TBCE: variants seen among roughly 807,000 people sequenced by gnomAD.
The protein encoded by TBCE is tubulin-specific chaperone E.
Under a neutral mutation model 77.0 loss-of-function variants are expected in TBCE, and 53 were observed. That is an observed-to-expected ratio of 0.69 (90% CI 0.55 to 0.87). The LOEUF (loss-of-function observed/expected upper bound fraction) is 0.87, where lower values mean the gene tolerates loss of function less well. Among genes scored for constraint, TBCE ranks in the 40% least tolerant of loss-of-function variants. The pLI, the probability that TBCE is intolerant of heterozygous loss-of-function variation, is 0.00. For synonymous variants in TBCE, 235 were observed against 241.3 expected (o/e 0.97, Z 0.24); for missense variants, 624 against 622.4 (o/e 1.00, Z -0.03).
intron 12 of TBCE, 73 bp downstream of exon 12, chr1:235,437,547 C>A (rs1167013223): frequency 1.3e-6 from 2 of 1,566,402 alleles, no homozygotes; most frequent in African/African-American, 2.7e-5. Flanking sequence ...CGCCGTGGCT[C>A]ACACCTGTAA....
At position 235,402,808 on chromosome 1, in the gene TBCE, TA is replaced by T. The variant is rs377763779; in HGVS notation, c.185+1227del. ...CCCAGCTAATTTAAAAAAATAAAAA[TA>T]AAAAAGAGATGAAGTTTTTCTATGC... is the stretch of plus-strand genomic sequence containing the variant. On this transcript the variant is annotated intron_variant, in intron 3 of 16. Coordinates refer to ENST00000642610, the MANE Select transcript of TBCE (RefSeq NM_003193.5). 8.6e-3 allele frequency among the ~76,000 whole-genome samples: 1,311 copies of T among 151,810 alleles called. 7 individuals carry two copies. Among genetic ancestry groups the T allele is most frequent in the Non-Finnish European group, 0.014 (953 of 67,924 alleles).
intron 4 of TBCE, among the ~76,000 whole-genome samples, chr1:235,417,741 T>G (rs1680182621): frequency 6.8e-6 from 1 of 146,612 alleles, no homozygotes; most frequent in African/African-American, 2.5e-5. Context: ...TGCTGCCTTT[T>G]GTACCCTGGT....
At chr1:235,380,596 C>A (rs1226087439) in intron 2 of TBCE, among the ~76,000 whole-genome samples, 1 of 151,458 alleles carries the variant, frequency 6.6e-6, no homozygotes. Flanking sequence ...TATAAATTTA[C>A]CTATGTTTCT....
chr1:235,404,672 ATTTT>A (rs937296695), intron 3 of TBCE, among the ~76,000 whole-genome samples: 1 of 145,214 alleles, frequency 6.9e-6, no homozygotes, highest in African/African-American at 2.5e-5. Context: ...TAAACTTTAA[ATTTT>A]TTTTTTTTTT....
At chr1:235,427,895 T>G (rs1262733507) in intron 6 of TBCE, among the ~76,000 whole-genome samples, 9 of 151,970 alleles carry the variant, frequency 5.9e-5, no homozygotes, top group Non-Finnish European at 1.5e-5. Flanking sequence ...CTGGGCGTGG[T>G]GGCATGCAAC....
At chr1:235,435,095 G>GTT (rs1307000026) in intron 8 of TBCE, among the ~76,000 whole-genome samples, 4 of 148,448 alleles carry the variant, frequency 2.7e-5, no homozygotes, top group African/African-American at 7.7e-5. Context: ...GCAAATGCAG[G>GTT]TTTTTTGTTT....
intron 3 of TBCE, among the ~76,000 whole-genome samples, chr1:235,408,677 CCT>C (rs1213142463): frequency 9.2e-5 from 14 of 152,136 alleles, no homozygotes; most frequent in African/African-American, 3.4e-4. Flanking sequence ...AGGAAAACAA[CCT>C]CTCTGGGTCA....
intron 7 of TBCE, 180 bp from the exon 8 acceptor site, chr1:235,434,024 A>T: frequency 1.6e-6 from 1 of 610,872 alleles, no homozygotes; most frequent in Non-Finnish European, 3.0e-6. Context: ...GCACCCCCTT[A>T]ACATTTTATT....
intron 3 of TBCE, among the ~76,000 whole-genome samples, chr1:235,407,518 G>C (rs939306704): frequency 2.0e-5 from 3 of 152,190 alleles, no homozygotes; most frequent in African/African-American, 7.2e-5. Flanking sequence ...ATTAGTCTTA[G>C]AGTCACGGCA....
At chr1:235,381,641 C>T (rs1165102570) in intron 2 of TBCE, among the ~76,000 whole-genome samples, 15 of 134,196 alleles carry the variant, frequency 1.1e-4, no homozygotes, top group South Asian at 9.4e-4. Context: ...GCCGAGACCA[C>T]GCCACTGCAC....
chr1:235,419,533 A>G lies in TBCE; in HGVS notation c.432A>G (p.Glu144=), dbSNP rs375901797. ...ACTGTGCAGTAAGTTGTGCTGGTGA[A>G]AAAGGAGGAGTTGCTGAAGCATGTC... The part of the protein sequence containing the change: ...LRNCAVSCAG[E]KGGVAEACPN... The change falls in exon 5 of 17, where the codon GAA becomes GAG. Residue 144 remains glutamate, a synonymous_variant. Transcript: ENST00000642610. 8 of 1,613,964 alleles carry G rather than the reference A, an allele frequency of 5.0e-6. No homozygotes were observed. The highest frequency in any genetic ancestry group is 2.2e-5 in the East Asian group (1 of 44,874).
intron 14 of TBCE, 86 bp downstream of exon 14, chr1:235,441,968 T>A: frequency 8.6e-7 from 1 of 1,165,930 alleles, no homozygotes. Context: ...AGTGTGTACC[T>A]CTTAAGTACC....
intron 1 of TBCE, among the ~76,000 whole-genome samples, chr1:235,370,277 G>A (rs1323653505): frequency 4.3e-5 from 6 of 139,578 alleles, no homozygotes; most frequent in South Asian, 2.2e-4. Flanking sequence ...TTTCTGAGAC[G>A]GATTCTTGCT....
chr1:235,402,236 G>C (rs548754233), intron 3 of TBCE, among the ~76,000 whole-genome samples: 1 of 151,852 alleles, frequency 6.6e-6, no homozygotes, highest in South Asian at 2.1e-4. Context: ...GCTAATTTCT[G>C]TACTTTTAGT....
rs923689519 is a variant in TBCE, at chr1:235,438,975, A to G, written c.1270+53A>G. 48 of 1,613,268 alleles carry G rather than the reference A, an allele frequency of 3.0e-5. 1 individual carries two copies. The highest frequency in any genetic ancestry group is 6.7e-5 in the Admixed American group (4 of 59,994). On this transcript the variant is annotated intron_variant, in intron 13 of 16. Transcript: ENST00000642610. ...AGGTGGTGGATTTCCAGCTGGAACA[A>G]AGTTTTTTCTTGGGTATCAAAAGAG...
rs775852463 is a variant in TBCE, at chr1:235,380,160, ATTGTGTGTGTGTGTGT to A, written c.100+12_100+27del. ...TCCCTCCCGTGGCAGGTAAGCAATTATTGTGTGTGTGTGTGTGTGTGTGTGTGTGTGTGTGTGTGTG... is the reference window on the plus strand; with the variant it reads ...TCCCTCCCGTGGCAGGTAAGCAATTAGTGTGTGTGTGTGTGTGTGTGTGTG... On this transcript the variant is annotated intron_variant, in intron 2 of 16. Coordinates refer to ENST00000642610, the MANE Select transcript of TBCE (RefSeq NM_003193.5). 4.4e-6 allele frequency: 6 copies of A among 1,358,324 alleles called. No homozygotes were observed. The highest frequency in any genetic ancestry group is 6.1e-6 in the Non-Finnish European group (6 of 976,376). 84.1% of individuals were successfully genotyped at this position (1,358,324 alleles called of 1,614,324 possible). A position where few individuals can be genotyped will look rare whatever the true frequency, so the allele number is the denominator to read the frequency against.
At chr1:235,448,240 AGAC>A (rs1417866231) in intron 15 of TBCE, 106 bp from the exon 16 acceptor site, 3 of 813,596 alleles carry the variant, frequency 3.7e-6, no homozygotes, top group Admixed American at 2.3e-5. Flanking sequence ...AAAAAAAAAA[AGAC>A]AGATACAGCT....
intron 12 of TBCE, among the ~76,000 whole-genome samples, chr1:235,438,187 C>T (rs1264809388): frequency 6.6e-6 from 1 of 152,242 alleles, no homozygotes; most frequent in Non-Finnish European, 1.5e-5. Context: ...CCAGGCAGAC[C>T]TGGGGGAGGC....
intron 8 of TBCE, among the ~76,000 whole-genome samples, chr1:235,435,437 T>G (rs1681381880): frequency 6.6e-6 from 1 of 152,142 alleles, no homozygotes; most frequent in African/African-American, 2.4e-5. Flanking sequence ...TATTTTGAGA[T>G]AATCATATAT....
Sources: allele counts gnomAD v4.1 joint callset (sites outside exome capture counted in the v4.1 genomes callset), GRCh38; gene constraint gnomAD v4.1.1; transcripts MANE v1.5; gene names NCBI Gene and HGNC (gene_info 2026-07-23, HGNC 2026-07-21).